SSBP3: variants seen among roughly 807,000 people sequenced by gnomAD.
SSBP3 encodes the protein single-stranded DNA-binding protein 3.
In SSBP3, 5 loss-of-function variants were observed where a neutral mutation model predicts 69.6. The ratio of observed to expected loss-of-function variants is 0.07; its 90% CI spans 0.04 to 0.15. SSBP3 has a LOEUF of 0.15. SSBP3 is among the 10% of genes least tolerant of loss of function. The pLI is 1.00. For missense variants in SSBP3, 312 were observed against 534.0 expected (o/e 0.58, Z 4.10); for synonymous variants, 196 against 193.4 (o/e 1.01, Z -0.11).
At chr1:54,382,023 A>G (rs1570002535) in intron 4 of SSBP3, among the ~76,000 whole-genome samples, 2 of 152,114 alleles carry the variant, frequency 1.3e-5, no homozygotes, top group Non-Finnish European at 2.9e-5. Context: ...GTGAAACCCC[A>G]TCGCTACTAA....
intron 4 of SSBP3, among the ~76,000 whole-genome samples, chr1:54,301,574 ACCCTCGC>A (rs761641709): frequency 3.3e-5 from 5 of 152,068 alleles, no homozygotes; most frequent in Non-Finnish European, 7.4e-5. Flanking sequence ...CCACGCGGGG[ACCCTCGC>A]GGCTCCTAAG....
intron 4 of SSBP3, among the ~76,000 whole-genome samples, chr1:54,290,104 C>G (rs550983982): frequency 6.6e-6 from 1 of 152,322 alleles, no homozygotes; most frequent in South Asian, 2.1e-4. Context: ...ACCACAGCCC[C>G]AGCTCTTGGC....
At chr1:54,326,160 G>C (rs1395879828) in intron 4 of SSBP3, among the ~76,000 whole-genome samples, 6 of 152,194 alleles carry the variant, frequency 3.9e-5, no homozygotes, top group African/African-American at 1.4e-4. Context: ...TGGGTAATTA[G>C]AGTCTCTTAT....
intron 1 of SSBP3, chr1:54,405,390 G>A (rs1239368983): frequency 5.9e-6 from 1 of 169,586 alleles, no homozygotes; most frequent in African/African-American, 2.4e-5. Flanking sequence ...TGTGCCCCAA[G>A]CCTGGGGCCA....
intron 4 of SSBP3, among the ~76,000 whole-genome samples, chr1:54,397,283 C>T (rs1165562857): frequency 6.6e-6 from 1 of 152,180 alleles, no homozygotes; most frequent in Admixed American, 6.5e-5. Flanking sequence ...CCCCCTCCCC[C>T]GAAAGGGTTC....
chr1:54,393,105 C>G (rs1216923297), intron 4 of SSBP3, among the ~76,000 whole-genome samples: 2 of 152,146 alleles, frequency 1.3e-5, no homozygotes, highest in Non-Finnish European at 2.9e-5. Flanking sequence ...GTTCCAGATT[C>G]CTAGAAAATG....
At chr1:54,337,243 C>T (rs927938951) in intron 4 of SSBP3, among the ~76,000 whole-genome samples, 5 of 152,182 alleles carry the variant, frequency 3.3e-5, no homozygotes, top group Non-Finnish European at 5.9e-5. Flanking sequence ...CACAGGCAGG[C>T]CTCATGACCA....
chr1:54,401,999 C>G, intron 3 of SSBP3, 54 bp from the exon 4 acceptor site: 1 of 1,512,376 alleles, frequency 6.6e-7, no homozygotes, highest in South Asian at 1.1e-5. Flanking sequence ...CTTGTGTACA[C>G]AAGGGCAAGT....
At chr1:54,286,108 T>C (rs1645484248) in intron 4 of SSBP3, among the ~76,000 whole-genome samples, 1 of 152,122 alleles carries the variant, frequency 6.6e-6, no homozygotes, top group Non-Finnish European at 1.5e-5. Context: ...TTATAGGCCA[T>C]TTTGTGATCA....
At chr1:54,344,659 A>G (rs1468518741) in intron 4 of SSBP3, among the ~76,000 whole-genome samples, 1 of 152,174 alleles carries the variant, frequency 6.6e-6, no homozygotes, top group African/African-American at 2.4e-5. Flanking sequence ...ACATCCGATC[A>G]ATCTTTTTTT....
chr1:54,362,286 C>T (rs557771511), intron 4 of SSBP3, among the ~76,000 whole-genome samples: 1 of 152,334 alleles, frequency 6.6e-6, no homozygotes, highest in South Asian at 2.1e-4. Flanking sequence ...CAGCAAGCAG[C>T]TGCTCAACTA....
intron 1 of SSBP3, among the ~76,000 whole-genome samples, chr1:54,411,721 T>C (rs1197215186): frequency 2.7e-5 from 4 of 150,598 alleles, no homozygotes; most frequent in African/African-American, 9.8e-5. Context: ...TGAAACCCCG[T>C]CTCTACTAAA....
chr1:54,406,887 C>T (rs1002179364), upstream of SSBP3, among the ~76,000 whole-genome samples: 7 of 151,704 alleles, frequency 4.6e-5, no homozygotes, highest in African/African-American at 1.7e-4. Flanking sequence ...CTTATCTCGC[C>T]CTCCGCTCTT....
In SSBP3 at chr1:54,403,071, G is replaced by A. The variant is rs112848129; in HGVS notation, c.192-1126C>T. 3.7e-3 allele frequency among the ~76,000 whole-genome samples: 569 copies of A among 152,230 alleles called. 18 individuals carry two copies. In the South Asian group the frequency reaches 0.038, roughly 10 times the overall value. On this transcript the variant is annotated intron_variant, in intron 3 of 17. Coordinates refer to ENST00000610401, the Ensembl canonical transcript of SSBP3. ...CAGACAAGCTCCACTGCTTCCTCCC[G>A]CTGGAGAAAGCCTGGGTCATTTGCT...
chr1:54,234,340 C>T (rs1194533568), intron 14 of SSBP3, among the ~76,000 whole-genome samples: 1 of 129,402 alleles, frequency 7.7e-6, no homozygotes, highest in Non-Finnish European at 1.7e-5. Flanking sequence ...CAAGAATTAT[C>T]AATAAAAAAA....
chr1:54,268,295 T>G (rs1016242609), intron 5 of SSBP3, among the ~76,000 whole-genome samples: 1 of 152,260 alleles, frequency 6.6e-6, no homozygotes, highest in Admixed American at 6.5e-5. Flanking sequence ...ATCCCACTTC[T>G]GCCCGCCGGC....
chr1:54,336,361 A>G (rs772410098), intron 4 of SSBP3, among the ~76,000 whole-genome samples: 1 of 151,906 alleles, frequency 6.6e-6, no homozygotes, highest in Non-Finnish European at 1.5e-5. Flanking sequence ...CCAGCCCCCG[A>G]CTGCCTCTCC....
At chr1:54,326,227 G>A (rs931544733) in intron 4 of SSBP3, 1 of 152,382 alleles carries the variant, frequency 6.6e-6, no homozygotes, top group African/African-American at 2.4e-5. Context: ...AACTGCACAA[G>A]GCGCAGCAAC....
intron 7 of SSBP3, among the ~76,000 whole-genome samples, chr1:54,254,522 C>A (rs992502878): frequency 6.6e-5 from 10 of 152,218 alleles, no homozygotes; most frequent in African/African-American, 2.2e-4. Flanking sequence ...GACCCTGAGG[C>A]CACATCACTG....
Sources: allele counts gnomAD v4.1 joint callset (sites outside exome capture counted in the v4.1 genomes callset), GRCh38; gene constraint gnomAD v4.1.1; transcripts MANE v1.5; gene names NCBI Gene and HGNC (gene_info 2026-07-23, HGNC 2026-07-21).